CLCN3: variants seen among roughly 807,000 people sequenced by gnomAD.
The protein encoded by CLCN3 is Cl-/H+ antiporter 3, also known as H(+)/Cl(-) exchange transporter 3.
A neutral mutation model predicts 83.4 loss-of-function variants in CLCN3; 16 were observed. That is an observed-to-expected ratio of 0.19 (90% CI 0.13 to 0.29). CLCN3 has a LOEUF of 0.29. Among genes scored for constraint, CLCN3 ranks in the 10% least tolerant of loss-of-function variants. The probability of loss-of-function intolerance (pLI) is 1.00; values close to 1 mark genes in which losing one functional copy is unlikely to be tolerated. For missense variants in CLCN3, 544 were observed against 1,006.0 expected (o/e 0.54, Z 6.21); for synonymous variants, 322 against 346.2 (o/e 0.93, Z 0.78).
chr4:169,697,527 C>A lies in CLCN3; in HGVS notation c.1356C>A (p.Thr452=), dbSNP rs151324824. The change falls in exon 9 of 13, where the codon ACC becomes ACA. Residue 452 remains threonine (T), a synonymous_variant. Transcript: ENST00000513761. The part of the protein sequence containing the change: ...AFPNPYTRLN[T]SELIKELFTD... Reference sequence around the variant, plus strand: ...CTAATCCATACACTAGGCTAAACACCAGTGAACTGATCAAAGAGCTTTTTA... The same window carrying A: ...CTAATCCATACACTAGGCTAAACACAAGTGAACTGATCAAAGAGCTTTTTA... The A allele has an allele frequency of 6.8e-6, 11 of 1,614,052 alleles. No individual in the cohort carries two copies. In the African/African-American group the frequency reaches 1.3e-4, roughly 20 times the overall value.
At chr4:169,694,683 A>G (rs1438968810) in intron 7 of CLCN3, among the ~76,000 whole-genome samples, 2 of 152,144 alleles carry the variant, frequency 1.3e-5, no homozygotes, top group East Asian at 3.8e-4. Context: ...TACTAAAAAT[A>G]CAAAAATTAG....
In CLCN3 at chr4:169,692,315, A is replaced by C. The variant is rs751435998; in HGVS notation, c.931A>C (p.Arg311=). The C allele has an allele frequency of 1.3e-6, 2 of 1,586,290 alleles. No homozygotes were observed. Among genetic ancestry groups the C allele is most frequent in the African/African-American group, 2.7e-5 (2 of 74,424 alleles). The change falls in exon 7 of 13, where the codon AGG becomes CGG. Residue 311 remains arginine (R), a synonymous_variant. Transcript: ENST00000513761. ...GTATAGCACAAACGAAGCTAAAAAA[A>C]GGGAGGTAAGTGTCTTTTGTAGTTA... ...PKYSTNEAKK[R]EVLSAASAAG...
At chr4:169,671,759 G>T (rs535680852) in intron 2 of CLCN3, among the ~76,000 whole-genome samples, 7 of 152,246 alleles carry the variant, frequency 4.6e-5, no homozygotes, top group Middle Eastern at 3.4e-3. Context: ...TGTGGGGAAG[G>T]TGTGTGGAGG....
chr4:169,629,450 A>C (rs1304487201), intron 1 of CLCN3, among the ~76,000 whole-genome samples: 2 of 151,884 alleles, frequency 1.3e-5, no homozygotes, highest in African/African-American at 4.8e-5. Context: ...AGCTCACTGC[A>C]ACCTCTGCCT....
At chr4:169,692,516 A>G (rs1692781008) in intron 7 of CLCN3, among the ~76,000 whole-genome samples, 196 bp downstream of exon 7, 1 of 152,138 alleles carries the variant, frequency 6.6e-6, no homozygotes, top group Non-Finnish European at 1.5e-5. Context: ...TTCGTCTTAC[A>G]TTTTAGAGAA....
intron 10 of CLCN3, among the ~76,000 whole-genome samples, chr4:169,706,178 AC>A (rs1732987753): frequency 6.6e-6 from 1 of 151,712 alleles, no homozygotes; most frequent in Admixed American, 6.6e-5. Context: ...ACAGACATAC[AC>A]CACCATGCAT....
chr4:169,627,506 A>G (rs555381045), intron 1 of CLCN3, among the ~76,000 whole-genome samples: 24 of 152,290 alleles, frequency 1.6e-4, no homozygotes, highest in South Asian at 1.4e-3. Flanking sequence ...AACAGAAACC[A>G]TATCTTATTC....
chr4:169,663,125 A>ATGTGTGTGTG (rs55965836), intron 2 of CLCN3: 1 of 141,638 alleles, frequency 7.1e-6, no homozygotes, highest in East Asian at 2.0e-4. Context: ...GTGAGCATAT[A>ATGTGTGTGTG]TGTGTGTGTG....
At chr4:169,702,777 C>CAAAAAAAAAAAAAAAAAAAAA in intron 9 of CLCN3, 1 of 240,044 alleles carries the variant, frequency 4.2e-6, no homozygotes, top group East Asian at 9.5e-5. Context: ...CCCATCTCTA[C>CAAAAAAAAAAAAAAAAAAAAA]AAAAAAAAAA....
chr4:169,713,441 T>C, intron 12 of CLCN3, 146 bp downstream of exon 12: 2 of 615,756 alleles, frequency 3.2e-6, no homozygotes, highest in African/African-American at 1.8e-5. Flanking sequence ...ATAGGATCAG[T>C]CAATCAAATT....
intron 12 of CLCN3, among the ~76,000 whole-genome samples, chr4:169,716,873 A>T (rs1733441721): frequency 6.6e-6 from 1 of 152,178 alleles, no homozygotes; most frequent in South Asian, 2.1e-4. Context: ...AGGTTGACTT[A>T]ATGAGATCAT....
intron 2 of CLCN3, among the ~76,000 whole-genome samples, chr4:169,639,125 G>A (rs1046558325): frequency 6.6e-6 from 1 of 152,134 alleles, no homozygotes; most frequent in Non-Finnish European, 1.5e-5. Context: ...TACCTCCTGG[G>A]CTCAAGAGAT....
chr4:169,659,919 A>G (rs1400404808), intron 2 of CLCN3: 1 of 355,082 alleles, frequency 2.8e-6, no homozygotes, highest in Non-Finnish European at 3.9e-6. Flanking sequence ...TCTGCATTCA[A>G]AATTTCCTTT....
intron 11 of CLCN3, among the ~76,000 whole-genome samples, chr4:169,711,642 G>A (rs182800960): frequency 6.6e-6 from 1 of 152,218 alleles, no homozygotes; most frequent in East Asian, 1.9e-4. Context: ...GAGCCACTGC[G>A]CCTGGCCTGA....
intron 3 of CLCN3, among the ~76,000 whole-genome samples, chr4:169,686,325 T>TA (rs1340522585): frequency 1.4e-3 from 172 of 122,738 alleles, no homozygotes; most frequent in Middle Eastern, 8.1e-3. Context: ...AGTATAATAA[T>TA]AAAAAAAAAA....
intron 6 of CLCN3, 152 bp from the exon 7 acceptor site, chr4:169,691,962 G>C: frequency 1.9e-6 from 1 of 539,590 alleles, no homozygotes; most frequent in Non-Finnish European, 3.3e-6. Context: ...AGCATAATAG[G>C]CAAAGTTTTC....
chr4:169,620,638 G>A lies in CLCN3; in HGVS notation c.-442G>A. On this transcript the variant is annotated 5_prime_UTR_variant, in exon 1 of 13. Coordinates refer to ENST00000513761, the MANE Select transcript of CLCN3 (RefSeq NM_001829.4). ...CGGAACCTGCAGCCCCTTTCCCAGT[G>A]TTCTAGTTCGCCCGTGACCCGGAAT... The A allele has an allele frequency of 2.5e-6, 1 of 397,790 alleles. No homozygotes were observed. Among genetic ancestry groups the A allele is most frequent in the African/African-American group, 2.1e-5 (1 of 48,764 alleles). 24.6% of individuals were successfully genotyped at this position (397,790 alleles called of 1,614,324 possible).
chr4:169,702,339 T>C (rs542142098), intron 9 of CLCN3, among the ~76,000 whole-genome samples: 1 of 152,298 alleles, frequency 6.6e-6, no homozygotes, highest in South Asian at 2.1e-4. Context: ...CAGTAAAACT[T>C]AAAAGTCAAA....
chr4:169,644,586 A>G lies in CLCN3; in HGVS notation c.160+8498A>G, dbSNP rs554064940. 2.6e-4 allele frequency among the ~76,000 whole-genome samples: 40 copies of G among 152,302 alleles called. 1 individual carries two copies. In the South Asian group the frequency reaches 5.0e-3, roughly 19 times the overall value. On this transcript the variant is annotated intron_variant, in intron 2 of 12. Transcript: ENST00000513761. ...AATTTTGGTGCCACTGTTTTGATTTATGCTAGATATCAAGCTGTCTTCCTC... is the reference window on the plus strand; with the variant it reads ...AATTTTGGTGCCACTGTTTTGATTTGTGCTAGATATCAAGCTGTCTTCCTC...
Sources: allele counts gnomAD v4.1 joint callset (sites outside exome capture counted in the v4.1 genomes callset), GRCh38; gene constraint gnomAD v4.1.1; transcripts MANE v1.5; gene names NCBI Gene and HGNC (gene_info 2026-07-23, HGNC 2026-07-21).